The following MED13L variants were observed in gnomAD, a reference collection of about 807,000 sequenced individuals.
MED13L encodes the protein mediator of RNA polymerase II transcription subunit 13-like.
A neutral mutation model predicts 220.9 loss-of-function variants in MED13L; 7 were observed. The ratio of observed to expected loss-of-function variants is 0.03; its 90% CI spans 0.02 to 0.06. The LOEUF (loss-of-function observed/expected upper bound fraction) is 0.06. MED13L is among the 10% of genes least tolerant of loss of function. MED13L has a pLI of 1.00. For synonymous variants in MED13L, 1,011 were observed against 1,015.2 expected (o/e 1.00, Z 0.08); for missense variants, 1,965 against 2,760.5 (o/e 0.71, Z 6.46).
intron 2 of MED13L, among the ~76,000 whole-genome samples, chr12:116,167,611 T>C (rs1360323762): frequency 6.6e-6 from 1 of 152,218 alleles, no homozygotes; most frequent in Non-Finnish European, 1.5e-5. Flanking sequence ...ATATTCTGTG[T>C]ACTATACTCC....
At chr12:116,140,301 T>G (rs960557382) in intron 2 of MED13L, among the ~76,000 whole-genome samples, 1 of 152,192 alleles carries the variant, frequency 6.6e-6, no homozygotes, top group Admixed American at 6.5e-5. Flanking sequence ...AGGTAAAGAT[T>G]TGCCTGTTTG....
chr12:116,108,404 C>CCT (rs1873786985), intron 3 of MED13L, among the ~76,000 whole-genome samples: 1 of 40,846 alleles, frequency 2.4e-5, no homozygotes, highest in African/African-American at 1.6e-4. Context: ...GGGGGGGGCG[C>CCT]GTGGGGGGTG....
At chr12:116,002,639 A>G (rs557211057) in intron 14 of MED13L, among the ~76,000 whole-genome samples, 29 of 152,358 alleles carry the variant, frequency 1.9e-4, no homozygotes, top group African/African-American at 6.7e-4. Context: ...ATAAAAACAG[A>G]AACATTTTAC....
In MED13L at chr12:115,987,239, C is replaced by T; in HGVS notation, c.3984G>A (p.Leu1328=). ...LSSQDVVRML[L]SLQPFLQDAI... ...CATCTTGGAGAAAGGGCTGCAGGGA[C>T]AACAGCATACGAACCACATCCTGGG... The change falls in exon 18 of 31, where the codon TTG becomes TTA. Residue 1328 remains leucine (L), a synonymous_variant. Transcript: ENST00000281928. The T allele has an allele frequency of 6.2e-7, 1 of 1,613,788 alleles. No homozygotes were observed. Among genetic ancestry groups the T allele is most frequent in the South Asian group, 1.1e-5 (1 of 91,054 alleles).
At chr12:116,060,257 T>TA (rs112080904) in intron 4 of MED13L, among the ~76,000 whole-genome samples, 60 of 145,414 alleles carry the variant, frequency 4.1e-4, no homozygotes, top group East Asian at 1.4e-3. Flanking sequence ...AGCCTCAAAT[T>TA]AAAAAAAAAA....
rs1314195239 is a variant in MED13L, at chr12:116,277,139, C to G, written c.-8G>C. The G allele has an allele frequency of 6.4e-7, 1 of 1,569,768 alleles. No homozygotes were observed. The highest frequency in any genetic ancestry group is 1.4e-5 in the African/African-American group (1 of 73,886). ...GTTCGCTGCCGCAGTCATGATCCTC[C>G]GCGAGCCCGGCCGCCAGAGCGGGGC... On this transcript the variant is annotated 5_prime_UTR_variant, in exon 1 of 31. Transcript: ENST00000281928.
intron 4 of MED13L, among the ~76,000 whole-genome samples, chr12:116,027,490 T>C (rs1226003112): frequency 2.0e-5 from 3 of 152,022 alleles, no homozygotes; most frequent in Non-Finnish European, 4.4e-5. Flanking sequence ...ACGGCATGAC[T>C]AAAGGGGAAA....
chr12:116,102,710 CTTTTTTTTTTTTTTTTT>C (rs869201518), intron 3 of MED13L, among the ~76,000 whole-genome samples: 1 of 68,682 alleles, frequency 1.5e-5, no homozygotes, highest in African/African-American at 5.7e-5. Flanking sequence ...TTTCTTTTTT[CTTTTTTTTTTTTTTTTT>C]TTTTTTTTTT....
chr12:116,221,041 T>C (rs964681772), intron 2 of MED13L, among the ~76,000 whole-genome samples: 1 of 152,042 alleles, frequency 6.6e-6, no homozygotes, highest in Non-Finnish European at 1.5e-5. Context: ...TCCTACATAT[T>C]AAATAAAAAT....
Position 115,975,299 on chromosome 12 carries a change from T to C in MED13L, c.5603A>G (p.Lys1868Arg). Residue 1868 changes from lysine to arginine, a missense_variant, in exon 25 of 31, where the codon AAA becomes AGA. Physicochemically the swap from Lys to Arg is conservative, Grantham distance 26. Transcript: ENST00000281928. ...TAGTCCAATTTTACGTGCAGATACT[T>C]TACTCCTCCGTGACCTAACAAATAA... Reference protein sequence around the residue: ...IALPNRSRRSKVSARKIGLQK... With the variant: ...IALPNRSRRSRVSARKIGLQK... 1.9e-6 allele frequency: 3 copies of C among 1,614,124 alleles called. No homozygotes were observed. Among genetic ancestry groups the C allele is most frequent in the Non-Finnish European group, 2.5e-6 (3 of 1,180,016 alleles).
At chr12:116,116,866 C>T (rs891150717) in intron 2 of MED13L, among the ~76,000 whole-genome samples, 1 of 149,360 alleles carries the variant, frequency 6.7e-6, no homozygotes, top group East Asian at 2.2e-4. Context: ...TGTGAGAGTA[C>T]ATGAGAAAAA....
intron 1 of MED13L, among the ~76,000 whole-genome samples, chr12:116,261,118 T>C (rs1004576863): frequency 3.9e-5 from 6 of 152,264 alleles, no homozygotes; most frequent in Non-Finnish European, 5.9e-5. Flanking sequence ...ACTCTACCCA[T>C]TGCACCAGAC....
intron 14 of MED13L, among the ~76,000 whole-genome samples, chr12:116,000,385 TGCTTA>T (rs1354768636): frequency 6.6e-6 from 1 of 152,238 alleles, no homozygotes; most frequent in South Asian, 2.1e-4. Flanking sequence ...CACAGCGCTC[TGCTTA>T]CTCCCATCCT....
chr12:116,075,589 A>T (rs1329379716), intron 4 of MED13L, among the ~76,000 whole-genome samples: 1 of 152,216 alleles, frequency 6.6e-6, no homozygotes, highest in African/African-American at 2.4e-5. Context: ...CTGACTTACA[A>T]ATAATAGTTC....
chr12:115,994,508 G>A (rs1878275193), intron 16 of MED13L, among the ~76,000 whole-genome samples: 1 of 152,062 alleles, frequency 6.6e-6, no homozygotes, highest in Non-Finnish European at 1.5e-5. Flanking sequence ...ATCACATAAA[G>A]TTGTATAATA....
chr12:115,966,168 C>G lies in MED13L; in HGVS notation c.6301G>C (p.Val2101Leu), dbSNP rs747734369. Reference protein sequence around the residue: ...KQQPLALGYFVSTAKAENLPQ... With the variant: ...KQQPLALGYFLSTAKAENLPQ... ...AGATTCTCAGCTTTGGCAGTTGATA[C>G]AAAATACCCAAGGGCCAGGGGCTGC... is the stretch of plus-strand genomic sequence containing the variant. Residue 2101 changes from valine to leucine, a missense_variant, in exon 29 of 31, where the codon GTA (valine) becomes CTA (leucine). By Grantham distance (32) the Val-to-Leu change is conservative (BLOSUM62 1). Transcript: ENST00000281928. The G allele has an allele frequency of 1.2e-6, 2 of 1,614,134 alleles. No individual in the cohort carries two copies. Among genetic ancestry groups the G allele is most frequent in the Non-Finnish European group, 1.7e-6 (2 of 1,180,016 alleles).
chr12:116,174,553 C>G (rs961938738), intron 2 of MED13L: 2 of 151,592 alleles, frequency 1.3e-5, no homozygotes, highest in African/African-American at 4.9e-5. Flanking sequence ...CAAAGCATAT[C>G]TGACTATTCG....
In MED13L at chr12:115,972,157, G is replaced by A; in HGVS notation, c.5811C>T (p.Ile1937=). Residue 1937 remains isoleucine, a synonymous_variant, in exon 26 of 31, where the codon ATC becomes ATT. Transcript: ENST00000281928. ...GGATAGAAGGAGAGTCTGCGGCAGAGATTCCACACATCCGGCACACATCCT... is the reference window on the plus strand; with the variant it reads ...GGATAGAAGGAGAGTCTGCGGCAGAAATTCCACACATCCGGCACACATCCT... The part of the protein sequence containing the change: ...KLKDVCRMCG[I]SAADSPSILS... The A allele has an allele frequency of 1.2e-6, 2 of 1,614,056 alleles. No individual in the cohort carries two copies. Among genetic ancestry groups the A allele is most frequent in the Non-Finnish European group, 1.7e-6 (2 of 1,179,932 alleles).
Position 116,022,427 on chromosome 12 carries a change from G to A in MED13L, c.625+29C>T, listed in dbSNP as rs1324723956. The stretch of plus-strand genomic sequence containing the variant: ...TGGTTATCCACTCGGTGGCGGATAG[G>A]GGTGGAGAGCAGGAACACCCATACT... On this transcript the variant is annotated intron_variant, in intron 5 of 30. Transcript: ENST00000281928. The A allele has an allele frequency of 2.5e-6, 4 of 1,612,878 alleles. No homozygotes were observed. In the Admixed American group the frequency reaches 6.7e-5, roughly 27 times the overall value.
Sources: allele counts gnomAD v4.1 joint callset (sites outside exome capture counted in the v4.1 genomes callset), GRCh38; gene constraint gnomAD v4.1.1; transcripts MANE v1.5; gene names NCBI Gene and HGNC (gene_info 2026-07-23, HGNC 2026-07-21).